Variants in FAM234B observed in about 807,000 individuals in gnomAD.
The protein encoded by FAM234B is protein FAM234B.
A neutral mutation model predicts 69.3 loss-of-function variants in FAM234B; 33 were observed. That is an observed-to-expected ratio of 0.48 (90% CI 0.36 to 0.64). The LOEUF is 0.64. FAM234B is among the 30% of genes least tolerant of loss of function. The pLI is 0.00. For missense variants in FAM234B, 697 were observed against 769.7 expected, an observed-to-expected ratio of 0.91 and a Z score of 1.12; for synonymous variants, 306 against 306.9, an observed-to-expected ratio of 1.00 and a Z score of 0.03.
At chr12:13,055,467 T>C in intron 1 of FAM234B, 84 bp from the exon 2 acceptor site, 1 of 1,334,190 alleles carries the variant, frequency 7.5e-7, no homozygotes, top group Non-Finnish European at 1.0e-6. Context: ...TCCGTGTTCT[T>C]CTGGGTATTT....
In FAM234B at chr12:13,048,874, C is replaced by A. The variant is rs1418650942; in HGVS notation, c.37+4434C>A. ...GTAAAAGGCACATCTTACATGGTGG[C>A]GGCAAGAGAGAATGAGAACCAAGCG... On this transcript the variant is annotated intron_variant, in intron 1 of 12. Transcript: ENST00000197268. Among the ~76,000 whole-genome samples, 5 of 152,112 alleles carry A rather than the reference C, an allele frequency of 3.3e-5. 1 individual carries two copies. Among genetic ancestry groups the A allele is most frequent in the Admixed American group, 2.0e-4 (3 of 15,278 alleles).
chr12:13,058,280 A>G (rs1864951930), intron 2 of FAM234B, among the ~76,000 whole-genome samples, 171 bp from the exon 3 acceptor site: 2 of 152,020 alleles, frequency 1.3e-5, no homozygotes, highest in African/African-American at 2.4e-5. Flanking sequence ...TGTTTTATGT[A>G]CAGTGTCCAG....
In FAM234B at chr12:13,044,683, G is replaced by T. The variant is rs1245227004; in HGVS notation, c.37+243G>T. 6.6e-6 allele frequency among the ~76,000 whole-genome samples: 1 copy of T among 152,226 alleles called. No homozygotes were observed. Among genetic ancestry groups the T allele is most frequent in the Non-Finnish European group, 1.5e-5 (1 of 68,028 alleles). Reference sequence around the variant, plus strand: ...GAACCCGGAGACGCGCGGGGAGAGGGCGCCGAGCAGGTGTTACGGCGGGGA... The same window carrying T: ...GAACCCGGAGACGCGCGGGGAGAGGTCGCCGAGCAGGTGTTACGGCGGGGA... On this transcript the variant is annotated intron_variant, in intron 1 of 12. Coordinates refer to ENST00000197268, the MANE Select transcript of FAM234B (RefSeq NM_020853.2). The surrounding 1 kb of genome is among the most constrained non-coding windows in gnomAD (Gnocchi z 5.6).
chr12:13,079,334 CATAT>C (rs1351887369), intron 11 of FAM234B, among the ~76,000 whole-genome samples: 6 of 152,160 alleles, frequency 3.9e-5, no homozygotes, highest in Non-Finnish European at 5.9e-5. Context: ...ACTGGCTAGC[CATAT>C]GTAGAAAGCT....
intron 1 of FAM234B, 110 bp from the exon 2 acceptor site, chr12:13,055,441 T>G: frequency 9.0e-7 from 1 of 1,110,672 alleles, no homozygotes; most frequent in Non-Finnish European, 1.3e-6. Context: ...AAACCTGGAT[T>G]TTTTTGTTTT....
intron 10 of FAM234B, among the ~76,000 whole-genome samples, chr12:13,071,607 C>T (rs377659862): frequency 2.6e-5 from 4 of 152,146 alleles, no homozygotes; most frequent in African/African-American, 9.7e-5. Flanking sequence ...CTGACAACAG[C>T]CCCTAACTGC....
rs536430219 is a variant in FAM234B at position 13,073,292 on chromosome 12, G to A, written c.1524+1896G>A. Among the ~76,000 whole-genome samples the A allele has an allele frequency of 1.4e-3, 212 of 152,126 alleles. 1 individual carries two copies. The highest frequency in any genetic ancestry group is 4.9e-3 in the African/African-American group (202 of 41,496). The stretch of plus-strand genomic sequence containing the variant: ...TTACAGGCATGAGCCACCGCACCCA[G>A]CCAATGTTATCATTCTTTAGCCTTA... On this transcript the variant is annotated intron_variant, in intron 10 of 12. Coordinates refer to ENST00000197268, the MANE Select transcript of FAM234B (RefSeq NM_020853.2).
At position 13,079,992 on chromosome 12, in the gene FAM234B, GT is replaced by G. The variant is rs762862852; in HGVS notation, c.1848del (p.Glu617LysfsTer30). 3.7e-6 allele frequency: 6 copies of G among 1,604,606 alleles called. No homozygotes were observed. The highest frequency in any genetic ancestry group is 1.7e-4 in the Middle Eastern group (1 of 5,996). ...LRRFLSRIKFVEAPYEI is the reference protein window; with the variant it reads ...LRRFLSRIKFXEAPYEI Reference sequence around the variant, plus strand: ...AAGATTTCTCTCTAGGATAAAGTTTGTTGAAGCTCCCTACGAGGTGAGTGGC... The same window carrying G: ...AAGATTTCTCTCTAGGATAAAGTTTGTGAAGCTCCCTACGAGGTGAGTGGC... On this transcript the variant is annotated frameshift_variant, in exon 12 of 13. Transcript: ENST00000197268. LOFTEE classifies it high-confidence loss of function.
chr12:13,065,387 A>G (rs1398075196), intron 5 of FAM234B, among the ~76,000 whole-genome samples: 1 of 152,196 alleles, frequency 6.6e-6, no homozygotes, highest in African/African-American at 2.4e-5. Context: ...CTCTTTTAAA[A>G]TGTGGTACTT....
chr12:13,059,775 T>G (rs574457885), intron 3 of FAM234B, among the ~76,000 whole-genome samples: 2 of 152,036 alleles, frequency 1.3e-5, no homozygotes, highest in African/African-American at 2.4e-5. Context: ...AGCCTAGGAG[T>G]AGATTTCCGT....
Position 13,082,700 on chromosome 12 carries a change from G to C in FAM234B, c.*2070G>C, listed in dbSNP as rs1178758456. On this transcript the variant is annotated 3_prime_UTR_variant, in exon 13 of 13. Transcript: ENST00000197268. ...GGTGGTCCTGTGGTTTGGCTGAGCTGTCCGGGCATAACCTGGTTCTCTGTT... is the reference window on the plus strand; with the variant it reads ...GGTGGTCCTGTGGTTTGGCTGAGCTCTCCGGGCATAACCTGGTTCTCTGTT... 1.3e-5 allele frequency: 2 copies of C among 152,204 alleles called. No individual in the cohort carries two copies. The highest frequency in any genetic ancestry group is 2.4e-5 in the African/African-American group (1 of 41,450). 9.4% of individuals were successfully genotyped at this position (152,204 alleles called of 1,614,324 possible).
intron 9 of FAM234B, 43 bp from the exon 10 acceptor site, chr12:13,071,198 T>C: frequency 6.2e-7 from 1 of 1,606,562 alleles, no homozygotes; most frequent in Non-Finnish European, 8.5e-7. Flanking sequence ...CTGCTGCTTT[T>C]TTGAGGCCTG....
rs1865243045 is a variant in FAM234B at position 13,082,236 on chromosome 12, A to G, written c.*1606A>G. ...TGCTTCTGCCTCCCAAAGTGCTGGG[A>G]TTACAGGCGTGAGCCACCATGCCCG... On this transcript the variant is annotated 3_prime_UTR_variant, in exon 13 of 13. Transcript: ENST00000197268. 1 of 152,064 alleles carries G rather than the reference A, an allele frequency of 6.6e-6. No individual in the cohort carries two copies. Among genetic ancestry groups the G allele is most frequent in the Non-Finnish European group, 1.5e-5 (1 of 68,082 alleles). The allele number at this position is 152,064 out of a possible 1,614,324, so 9.4% of individuals were successfully genotyped here. A position where few individuals can be genotyped will look rare whatever the true frequency, so the allele number is the denominator to read the frequency against.
Position 13,062,916 on chromosome 12 carries a change from C to T in FAM234B, c.793C>T (p.Pro265Ser), listed in dbSNP as rs1317974642. 1.2e-6 allele frequency: 2 copies of T among 1,614,052 alleles called. No homozygotes were observed. Among genetic ancestry groups the T allele is most frequent in the Non-Finnish European group, 1.7e-6 (2 of 1,179,926 alleles). ...CTTGGCTGCCCCAGTTGTGGTACTG[C>T]CAGACTTGGATGAAGACGGTGTTCG... ...GTLAAPVVVL[P>S]DLDEDGVRDL... The change falls in exon 5 of 13, where the codon CCA (proline) becomes TCA (serine). Residue 265 changes from proline (P) to serine (S), a missense_variant. Physicochemically the swap from Pro to Ser is moderately conservative, Grantham distance 74 (BLOSUM62 -1). Coordinates refer to ENST00000197268, the MANE Select transcript of FAM234B (RefSeq NM_020853.2).
At position 13,081,443 on chromosome 12, in the gene FAM234B, C is replaced by G. The variant is rs971599995; in HGVS notation, c.*813C>G. 1 of 152,200 alleles carries G rather than the reference C, an allele frequency of 6.6e-6. No homozygotes were observed. The highest frequency in any genetic ancestry group is 1.5e-5 in the Non-Finnish European group (1 of 68,044). The allele number at this position is 152,200 out of a possible 1,614,324, so 9.4% of individuals were successfully genotyped here. On this transcript the variant is annotated 3_prime_UTR_variant, in exon 13 of 13. Transcript: ENST00000197268. ...GCCAGTCATGATCTTTTTTCTGTGG[C>G]GACATCAGAAGTGTATGTTTGCATG...
At chr12:13,057,682 T>G (rs1164140405) in intron 2 of FAM234B, among the ~76,000 whole-genome samples, 1 of 152,220 alleles carries the variant, frequency 6.6e-6, no homozygotes, top group Non-Finnish European at 1.5e-5. Context: ...TCTCCAAATT[T>G]GGTGGGCATC....
Position 13,055,569 on chromosome 12 carries a change from T to C in FAM234B, c.56T>C (p.Leu19Pro). ...TTTTCAGGGAAGAAGAGCCCAGACC[T>C]AGGGGAGTATGATCCACTTACCCAG... ...LKLPGKKSPD[L>P]GEYDPLTQAD... Residue 19 changes from leucine to proline, a missense_variant, in exon 2 of 13, where the codon CTA becomes CCA. Around this residue, in one of 3 missense-constraint regions of FAM234B, gnomAD observed 380 missense variants for 447.1 expected, o/e 0.85. Transcript: ENST00000197268. 1 of 1,606,330 alleles carries C rather than the reference T, an allele frequency of 6.2e-7. No homozygotes were observed.
intron 10 of FAM234B, among the ~76,000 whole-genome samples, chr12:13,075,436 T>TTC (rs1480588876): frequency 1.4e-4 from 21 of 148,502 alleles, no homozygotes; most frequent in Middle Eastern, 3.4e-3. Flanking sequence ...TTCTTTTCTT[T>TTC]TTTTTTTTTT....
chr12:13,071,490 A>G (rs1184789223), intron 10 of FAM234B, 94 bp downstream of exon 10: 5 of 1,197,588 alleles, frequency 4.2e-6, no homozygotes, highest in African/African-American at 3.0e-5. Context: ...TTGACCCATC[A>G]CTTTCCAAGG....
Sources: gnomAD v4.1 joint callset for allele counts (sites outside exome capture counted in the v4.1 genomes callset) on GRCh38, gnomAD v4.1.1 for gene constraint, gnomAD v4.1.1 regional missense constraint, Gnocchi (gnomAD v3.1) non-coding constraint, MANE v1.5 for transcripts, NCBI Gene and HGNC (gene_info 2026-07-23, HGNC 2026-07-21) for gene names.